The following BCAR1 variants were observed in gnomAD, a reference collection of about 807,000 sequenced individuals.
The protein encoded by BCAR1 is BCAR1 scaffold protein, Cas family member, also known as breast cancer anti-estrogen resistance protein 1.
Under a neutral mutation model 67.6 loss-of-function variants are expected in BCAR1, and 30 were observed. The ratio of observed to expected loss-of-function variants is 0.44; its 90% confidence interval spans 0.33 to 0.60. The LOEUF (loss-of-function observed/expected upper bound fraction) is 0.60, where lower values mean the gene tolerates loss of function less well. Among genes scored for constraint, BCAR1 ranks in the 20% least tolerant of loss-of-function variants. The pLI, the probability that BCAR1 is intolerant of heterozygous loss-of-function variation, is 0.02. For synonymous variants in BCAR1, 626 were observed against 556.7 expected, an observed-to-expected ratio of 1.12 and a Z score of -1.75; for missense variants, 1,313 against 1,222.3, an observed-to-expected ratio of 1.07 and a Z score of -1.11.
intron 6 of BCAR1, among the ~76,000 whole-genome samples, chr16:75,231,592 A>C (rs1439420382): frequency 6.6e-6 from 1 of 152,188 alleles, no homozygotes; most frequent in East Asian, 1.9e-4. Context: ...TTGGCCTTGG[A>C]ATTCTACATC....
upstream of BCAR1, chr16:75,252,294 C>T (rs2077698632): frequency 3.9e-6 from 6 of 1,536,654 alleles, no homozygotes; most frequent in Admixed American, 1.2e-4. Context: ...TGATCTGCCT[C>T]CTCTCATTAC....
chr16:75,264,615 A>G, intron 1 of BCAR1: 1 of 1,276,150 alleles, frequency 7.8e-7, no homozygotes, highest in Non-Finnish European at 9.9e-7. Context: ...TAAATACATT[A>G]CCACTTCTGG....
At chr16:75,264,021 C>A (rs2077956679) in intron 1 of BCAR1, 8 of 1,213,656 alleles carry the variant, frequency 6.6e-6, no homozygotes, top group Non-Finnish European at 8.2e-6. Context: ...CAGAATTCTC[C>A]TGGGCTGTGA....
intron 1 of BCAR1, among the ~76,000 whole-genome samples, chr16:75,266,977 T>A (rs1371200506): frequency 6.6e-6 from 1 of 152,130 alleles, no homozygotes; most frequent in African/African-American, 2.4e-5. Flanking sequence ...CCCTTCTGCC[T>A]GCCAGGGATG....
rs2077583601 is a variant in BCAR1 at position 75,248,396 on chromosome 16, T to C, written c.12+3075A>G. On this transcript the variant is annotated intron_variant, in intron 1 of 6. Transcript: ENST00000162330. ...ATTTCTGGGGCATTCTATTTGCTTG[T>C]CCCAAAGAGCCTCCGTGGCCAACGG... is the stretch of plus-strand genomic sequence containing the variant. 4 of 1,192,850 alleles carry C rather than the reference T, an allele frequency of 3.4e-6. No individual in the cohort carries two copies. In the African/African-American group the frequency reaches 6.3e-5, roughly 19 times the overall value. The allele number at this position is 1,192,850 out of a possible 1,614,324, so 73.9% of individuals were successfully genotyped here. A position where few individuals can be genotyped will look rare whatever the true frequency, so the allele number is the denominator to read the frequency against.
At chr16:75,251,639 T>A, upstream of BCAR1, 9 of 1,002,678 alleles carry the variant, frequency 9.0e-6, no homozygotes, top group Non-Finnish European at 1.1e-5. Context: ...GCTCTCCGCC[T>A]GCCGCCACGG....
At chr16:75,249,104 C>G (rs141339992) in intron 1 of BCAR1, 1 of 152,458 alleles carries the variant, frequency 6.6e-6, no homozygotes, top group African/African-American at 2.4e-5. Context: ...ACAGACAGTG[C>G]GGACGGCTGG....
At chr16:75,248,140 C>G in intron 1 of BCAR1, 3 of 1,594,278 alleles carry the variant, frequency 1.9e-6, no homozygotes, top group Non-Finnish European at 2.5e-6. Context: ...GAGGCCGACC[C>G]CAGGCTGAGA....
In BCAR1 at chr16:75,235,977, C is replaced by A. The variant is rs760196468; in HGVS notation, c.922G>T (p.Val308Phe). Residue 308 changes from valine (V) to phenylalanine (F), a missense_variant, in exon 5 of 7, where the codon GTT becomes TTT. By Grantham distance (50) the Val-to-Phe change is conservative. Around this residue, in one of 2 missense-constraint regions of BCAR1, gnomAD observed 1,272 missense variants for 1,137.5 expected, o/e 1.12. Coordinates refer to ENST00000162330, the MANE Select transcript of BCAR1 (RefSeq NM_014567.5). ...ACATCCTTGCTCACCGATGGAGGAA[C>A]GTCGTAGACCTGGGGGACAAGCGGT... ...PPSNHHAVYD[V>F]PPSVSKDVPD... 1.9e-6 allele frequency: 3 copies of A among 1,571,384 alleles called. No individual in the cohort carries two copies. Among genetic ancestry groups the A allele is most frequent in the Non-Finnish European group, 2.6e-6 (3 of 1,157,820 alleles).
At chr16:75,251,002 G>C in intron 1 of BCAR1, 1 of 985,412 alleles carries the variant, frequency 1.0e-6, no homozygotes, top group Non-Finnish European at 1.2e-6. Context: ...CCACGCACTT[G>C]CCCGCCCGGC....
chr16:75,230,130 C>T, intron 6 of BCAR1, 107 bp from the exon 7 acceptor site: 1 of 1,374,172 alleles, frequency 7.3e-7, no homozygotes, highest in Non-Finnish European at 9.8e-7. Context: ...GGCCGCTACT[C>T]AGAGTGCATG....
chr16:75,242,868 G>C lies in BCAR1; in HGVS notation c.235C>G (p.Pro79Ala). ...KKPAGPGPGP[P>A]ATPAQPQPGL... ...GGCTGAGGCTGGGCCGGGGTGGCGG[G>C]AGGGCCGGGGCCAGGCCCTGCTGGC... The change falls in exon 2 of 7, where the codon CCC becomes GCC. Residue 79 changes from proline (P) to alanine (A), a missense_variant. Physicochemically the swap from Pro to Ala is conservative, Grantham distance 27 (BLOSUM62 -1). Transcript: ENST00000162330. The C allele has an allele frequency of 6.2e-7, 1 of 1,609,814 alleles. No homozygotes were observed. Among genetic ancestry groups the C allele is most frequent in the Non-Finnish European group, 8.5e-7 (1 of 1,179,102 alleles).
chr16:75,235,506 G>C lies in BCAR1; in HGVS notation c.1393C>G (p.Arg465Gly). 3 of 1,597,592 alleles carry C rather than the reference G, an allele frequency of 1.9e-6. No homozygotes were observed. Among genetic ancestry groups the C allele is most frequent in the Non-Finnish European group, 2.6e-6 (3 of 1,173,082 alleles). The part of the protein sequence containing the change: ...ELEVAVEALA[R>G]LQQGVSATVA... ...GTGGCGCTCACACCCTGCTGCAGCC[G>C]TGCCAGGGCCTCCACAGCAACTTCC... is the stretch of plus-strand genomic sequence containing the variant. The change falls in exon 5 of 7, where the codon CGG becomes GGG. Residue 465 changes from arginine to glycine, a missense_variant. Arg to Gly is a moderately radical substitution (Grantham distance 125, BLOSUM62 -2). Coordinates refer to ENST00000162330, the MANE Select transcript of BCAR1 (RefSeq NM_014567.5).
intron 4 of BCAR1, chr16:75,236,405 C>A: frequency 3.0e-6 from 1 of 330,350 alleles, no homozygotes; most frequent in Non-Finnish European, 5.6e-6. Context: ...TCACCATCAC[C>A]GCCGCTGCCA....
Position 75,242,950 on chromosome 16 carries a change from G to T in BCAR1, c.153C>A (p.Arg51=), listed in dbSNP as rs61729589. Residue 51 remains arginine (R), a synonymous_variant, in exon 2 of 7, where the codon CGC becomes CGA. Coordinates refer to ENST00000162330, the MANE Select transcript of BCAR1 (RefSeq NM_014567.5). ...GGCGGTTCCCAGGCACGATGCCCTG[G>T]CGCCCATGCAGCGAGCAGAGCCACC... is the stretch of plus-strand genomic sequence containing the variant. ...DGWWLCSLHG[R]QGIVPGNRLK... The T allele has an allele frequency of 5.8e-4, 934 of 1,613,120 alleles. 3 individuals carry two copies. In the African/African-American group the frequency reaches 0.011, roughly 19 times the overall value.
intron 1 of BCAR1, chr16:75,248,481 G>T (rs1008565092): frequency 4.2e-6 from 2 of 477,656 alleles, no homozygotes; most frequent in East Asian, 9.0e-5. Context: ...CACCTGGAGG[G>T]GTCCTGATCA....
chr16:75,245,065 G>C (rs118152453), intron 1 of BCAR1, among the ~76,000 whole-genome samples: 4,583 of 152,362 alleles, frequency 0.03, 100 homozygotes, highest in Middle Eastern at 0.11. Context: ...GGGACAGGCA[G>C]TGCGGCAGGT....
upstream of BCAR1, among the ~76,000 whole-genome samples, chr16:75,254,620 G>C (rs1177134462): frequency 6.6e-6 from 1 of 152,206 alleles, no homozygotes; most frequent in Non-Finnish European, 1.5e-5. Context: ...AGCAAGGAGA[G>C]ACGCCCTGAA....
At chr16:75,252,495 T>C (rs2077702052), upstream of BCAR1, 10 of 1,218,280 alleles carry the variant, frequency 8.2e-6, no homozygotes, top group Non-Finnish European at 1.1e-5. Context: ...CGGTTGCAGG[T>C]CAGTGACTGT....
Sources: allele counts gnomAD v4.1 joint callset (sites outside exome capture counted in the v4.1 genomes callset), GRCh38; gene constraint gnomAD v4.1.1; regional missense constraint gnomAD v4.1.1; transcripts MANE v1.5; gene names NCBI Gene and HGNC (gene_info 2026-07-23, HGNC 2026-07-21).